The following FGD3 variants were observed in gnomAD, a reference collection of about 807,000 sequenced individuals.
The protein encoded by FGD3 is FYVE, RhoGEF and PH domain containing 3.
FGD3 carries 45 observed loss-of-function variants against 71.8 expected under a neutral mutation model. The observed-to-expected ratio is 0.63, with a 90% confidence interval of 0.49 to 0.80. The LOEUF (loss-of-function observed/expected upper bound fraction) is 0.80. Ranked by LOEUF, FGD3 falls within the 30% of genes least tolerant of loss-of-function variation. FGD3 has a pLI of 0.00. For missense variants in FGD3, 844 were observed against 951.5 expected, an observed-to-expected ratio of 0.89 and a Z score of 1.49; for synonymous variants, 378 against 392.8, an observed-to-expected ratio of 0.96 and a Z score of 0.44.
At chr9:92,989,919 GTTTT>G in intron 3 of FGD3, among the ~76,000 whole-genome samples, 1 of 106,550 alleles carries the variant, frequency 9.4e-6, no homozygotes, top group Non-Finnish European at 2.0e-5. Context: ...CCTTGTAGAG[GTTTT>G]TTTTTTTTTT....
chr9:92,995,423 G>C (rs565809388), intron 3 of FGD3, among the ~76,000 whole-genome samples: 1 of 152,286 alleles, frequency 6.6e-6, no homozygotes, highest in African/African-American at 2.4e-5. Flanking sequence ...TCTGCAAACA[G>C]GGACAATTTG....
At chr9:92,998,454 A>G (rs557589042) in intron 3 of FGD3, among the ~76,000 whole-genome samples, 1 of 152,290 alleles carries the variant, frequency 6.6e-6, no homozygotes, top group South Asian at 2.1e-4. Flanking sequence ...ATTACCAATC[A>G]TCTGAAGCTT....
At position 93,020,405 on chromosome 9, in the gene FGD3, G is replaced by T; in HGVS notation, c.1475G>T (p.Ser492Ile). Residue 492 changes from serine (S) to isoleucine (I), a missense_variant, in exon 13 of 18, where the codon AGC becomes ATC. By Grantham distance (142) the Ser-to-Ile change is moderately radical. Coordinates refer to ENST00000375482, the MANE Select transcript of FGD3 (RefSeq NM_001083536.2). ...GGAFSQDEDPSLSPDMPITST... is the reference protein window; with the variant it reads ...GGAFSQDEDPILSPDMPITST... The stretch of plus-strand genomic sequence containing the variant: ...GCCTTCAGCCAGGATGAGGACCCCA[G>T]CCTCTCTCCAGACATGCCTGTGAGT... The T allele has an allele frequency of 6.2e-7, 1 of 1,613,440 alleles. No individual in the cohort carries two copies. Among genetic ancestry groups the T allele is most frequent in the Non-Finnish European group, 8.5e-7 (1 of 1,179,906 alleles).
In FGD3 at chr9:92,972,712, T is replaced by G. The variant is rs1859581935; in HGVS notation, c.-217-2526T>G. On this transcript the variant is annotated intron_variant, in intron 1 of 17. Coordinates refer to ENST00000375482, the MANE Select transcript of FGD3 (RefSeq NM_001083536.2). ...AATATTTTTTTTGTCCACCCCTTTTTGAGACTCTGATCACACATGTATTAC... is the reference window on the plus strand; with the variant it reads ...AATATTTTTTTTGTCCACCCCTTTTGGAGACTCTGATCACACATGTATTAC... Among the ~76,000 whole-genome samples the G allele has an allele frequency of 3.3e-5, 5 of 152,296 alleles. No individual in the cohort carries two copies. The South Asian group carries it at 1.0e-3, about 32-fold the overall frequency.
chr9:93,016,770 C>T (rs987785584), intron 10 of FGD3, among the ~76,000 whole-genome samples: 55 of 150,974 alleles, frequency 3.6e-4, no homozygotes, highest in African/African-American at 1.3e-3. Flanking sequence ...ATTACAGGTG[C>T]GCGCCACCAC....
intron 3 of FGD3, among the ~76,000 whole-genome samples, chr9:92,985,865 T>A (rs1024972327): frequency 6.6e-6 from 1 of 152,144 alleles, no homozygotes; most frequent in African/African-American, 2.4e-5. Flanking sequence ...TATGGAGATG[T>A]GATTACCCAT....
At chr9:92,991,930 G>A (rs1316095688) in intron 3 of FGD3, among the ~76,000 whole-genome samples, 2 of 151,920 alleles carry the variant, frequency 1.3e-5, no homozygotes, top group African/African-American at 4.8e-5. Context: ...TATAGTTTTT[G>A]ACTTGAAGTC....
intron 3 of FGD3, among the ~76,000 whole-genome samples, chr9:92,998,332 G>C (rs1442941796): frequency 1.3e-5 from 2 of 152,040 alleles, no homozygotes; most frequent in African/African-American, 4.8e-5. Context: ...GGTCATTTAA[G>C]GACTTCTCTA....
In FGD3 at chr9:93,003,048, C is replaced by A; in HGVS notation, c.543+34C>A. ...CATGGCTTGGGGGCAGTTTCAGTAT[C>A]TCTTAGCATTGGCTGGGCATTATAG... On this transcript the variant is annotated intron_variant, in intron 4 of 17. Coordinates refer to ENST00000375482, the MANE Select transcript of FGD3 (RefSeq NM_001083536.2). The surrounding 1 kb of genome is among the most constrained non-coding windows in gnomAD (Gnocchi z 4.1). 1 of 1,588,304 alleles carries A rather than the reference C, an allele frequency of 6.3e-7. No individual in the cohort carries two copies. Among genetic ancestry groups the A allele is most frequent in the Non-Finnish European group, 8.6e-7 (1 of 1,156,638 alleles).
chr9:92,959,279 G>C (rs1236044148), intron 1 of FGD3, among the ~76,000 whole-genome samples: 2 of 151,740 alleles, frequency 1.3e-5, no homozygotes, highest in Non-Finnish European at 2.9e-5. Context: ...TTGTATTATA[G>C]TAATTATTTT....
At chr9:92,993,088 G>A (rs1179414971) in intron 3 of FGD3, among the ~76,000 whole-genome samples, 2 of 152,260 alleles carry the variant, frequency 1.3e-5, no homozygotes, top group African/African-American at 4.8e-5. Context: ...TTCTTGGGAT[G>A]AGGGGAGGAA....
chr9:92,954,423 C>T (rs565243970), intron 1 of FGD3, among the ~76,000 whole-genome samples: 1 of 152,314 alleles, frequency 6.6e-6, no homozygotes, highest in African/African-American at 2.4e-5. Flanking sequence ...GATCCAAGAG[C>T]TGTGGTTCTC....
intron 8 of FGD3, among the ~76,000 whole-genome samples, chr9:93,013,333 G>T (rs776172234): frequency 2.6e-5 from 4 of 152,218 alleles, no homozygotes; most frequent in Non-Finnish European, 4.4e-5. Flanking sequence ...CGAGGTTGCC[G>T]CAGGCTCACC....
rs556937979 is a variant in FGD3 at position 92,997,363 on chromosome 9, G to A, written c.454-5562G>A. On this transcript the variant is annotated intron_variant, in intron 3 of 17. Transcript: ENST00000375482. The stretch of plus-strand genomic sequence containing the variant: ...CCATCCCTTTATTTTGAGCCTATGT[G>A]TGTCTCTGCACGTGAGACGGGTCTC... Among the ~76,000 whole-genome samples the A allele has an allele frequency of 8.9e-4, 136 of 152,132 alleles. 1 individual carries two copies. The highest frequency in any genetic ancestry group is 1.8e-3 in the Non-Finnish European group (125 of 68,036).
At chr9:93,014,360 G>A (rs578146448) in intron 9 of FGD3, among the ~76,000 whole-genome samples, 231 of 152,196 alleles carry the variant, frequency 1.5e-3, no homozygotes, top group African/African-American at 5.2e-3. Context: ...AACTATTCCT[G>A]AGCCAAACCC....
intron 14 of FGD3, among the ~76,000 whole-genome samples, chr9:93,023,614 G>T (rs932353948): frequency 1.3e-5 from 2 of 152,062 alleles, no homozygotes; most frequent in Non-Finnish European, 2.9e-5. Flanking sequence ...CTCTTCTTGT[G>T]TCTGGCCTCA....
At chr9:93,021,273 C>T (rs994844189) in intron 13 of FGD3, among the ~76,000 whole-genome samples, 1 of 152,192 alleles carries the variant, frequency 6.6e-6, no homozygotes, top group Non-Finnish European at 1.5e-5. Context: ...GTGGAGCTGC[C>T]CCAAGGGCCC....
chr9:92,961,228 C>T (rs962415952), intron 1 of FGD3, among the ~76,000 whole-genome samples: 4 of 152,200 alleles, frequency 2.6e-5, no homozygotes, highest in African/African-American at 9.6e-5. Context: ...GAGGCACCCA[C>T]CCCTCATGAA....
intron 3 of FGD3, among the ~76,000 whole-genome samples, chr9:92,979,476 C>G (rs895814461): frequency 6.6e-5 from 10 of 152,246 alleles, no homozygotes; most frequent in African/African-American, 2.4e-4. Context: ...GGTGATTAAT[C>G]CTTTCAATGT....
Sources: allele counts gnomAD v4.1 joint callset (sites outside exome capture counted in the v4.1 genomes callset), GRCh38; gene constraint gnomAD v4.1.1; non-coding constraint Gnocchi (gnomAD v3.1); transcripts MANE v1.5; gene names NCBI Gene and HGNC (gene_info 2026-07-23, HGNC 2026-07-21).